The following KIAA0825 variants were observed in gnomAD, a reference collection of about 807,000 sequenced individuals.
KIAA0825 encodes the protein KIAA0825.
KIAA0825 carries 119 observed loss-of-function variants against 147.6 expected under a neutral mutation model. That is an observed-to-expected ratio of 0.81 (90% CI 0.69 to 0.94). The LOEUF is 0.94. KIAA0825 is among the 40% of genes least tolerant of loss of function. The pLI, the probability that KIAA0825 is intolerant of heterozygous loss-of-function variation, is 0.00. For synonymous variants in KIAA0825, 470 were observed against 518.1 expected, an observed-to-expected ratio of 0.91 and a Z score of 1.26; for missense variants, 1,381 against 1,472.7, an observed-to-expected ratio of 0.94 and a Z score of 1.02.
intron 20 of KIAA0825, among the ~76,000 whole-genome samples, chr5:94,363,114 A>T (rs1332853517): frequency 6.6e-6 from 1 of 152,148 alleles, no homozygotes; most frequent in Non-Finnish European, 1.5e-5. Context: ...ACAGGTAAAC[A>T]ACAAAGCCTT....
chr5:94,155,726 G>A (rs1175880165), intron 20 of KIAA0825, among the ~76,000 whole-genome samples: 2 of 152,100 alleles, frequency 1.3e-5, no homozygotes, highest in Non-Finnish European at 2.9e-5. Flanking sequence ...AACTTGTCTG[G>A]ATCTAAAAAC....
intron 20 of KIAA0825, among the ~76,000 whole-genome samples, chr5:94,317,905 A>G (rs1296222838): frequency 6.6e-6 from 1 of 151,876 alleles, no homozygotes; most frequent in Non-Finnish European, 1.5e-5. Flanking sequence ...ATTTAATCTT[A>G]CAATGCCTCA....
chr5:94,593,049 C>A, intron 1 of KIAA0825: 1 of 685,860 alleles, frequency 1.5e-6, no homozygotes, highest in East Asian at 2.6e-5. Context: ...ATGTCAGAGA[C>A]CATTCTCAAT....
intron 20 of KIAA0825, among the ~76,000 whole-genome samples, chr5:94,354,041 C>A (rs548797508): frequency 6.6e-6 from 1 of 152,166 alleles, no homozygotes; most frequent in South Asian, 2.1e-4. Flanking sequence ...AATGTTCATT[C>A]TTCCCATTCC....
chr5:94,190,315 TTTTGTTTGTTTG>T (rs376464492), intron 20 of KIAA0825, among the ~76,000 whole-genome samples: 1 of 151,864 alleles, frequency 6.6e-6, no homozygotes, highest in East Asian at 1.9e-4. Flanking sequence ...ATACGATGTT[TTTTGTTTGTTTG>T]TTTGTTTGTT....
chr5:94,177,834 A>G (rs1469838932), intron 20 of KIAA0825, among the ~76,000 whole-genome samples: 4 of 152,154 alleles, frequency 2.6e-5, no homozygotes, highest in African/African-American at 9.6e-5. Flanking sequence ...AGTTCCTACT[A>G]TGAGTCAGCC....
intron 1 of KIAA0825, among the ~76,000 whole-genome samples, chr5:94,587,447 C>T (rs1266745275): frequency 6.6e-6 from 1 of 152,042 alleles, no homozygotes; most frequent in African/African-American, 2.4e-5. Context: ...TTCACAATTA[C>T]TATTAAGAGA....
intron 20 of KIAA0825, among the ~76,000 whole-genome samples, chr5:94,289,822 T>C (rs1777810581): frequency 6.6e-6 from 1 of 151,772 alleles, no homozygotes; most frequent in Non-Finnish European, 1.5e-5. Flanking sequence ...GGAAGATCAC[T>C]TGAGCCCAGG....
chr5:94,271,250 G>GA (rs1562343200), intron 20 of KIAA0825, among the ~76,000 whole-genome samples: 1 of 151,938 alleles, frequency 6.6e-6, no homozygotes, highest in Admixed American at 6.6e-5. Context: ...GTCAACCAAA[G>GA]AAAAAATGGA....
chr5:94,392,239 T>G (rs1584355612), intron 17 of KIAA0825, among the ~76,000 whole-genome samples: 1 of 152,180 alleles, frequency 6.6e-6, no homozygotes, highest in African/African-American at 2.4e-5. Flanking sequence ...GTATTTTAAA[T>G]TGGCCTTTGA....
intron 20 of KIAA0825, among the ~76,000 whole-genome samples, chr5:94,281,793 C>T (rs1003102124): frequency 1.3e-5 from 2 of 152,046 alleles, no homozygotes; most frequent in South Asian, 2.1e-4. Flanking sequence ...TAAATAAATT[C>T]CCCTTTCCCC....
chr5:94,337,414 C>G (rs1314499456), intron 20 of KIAA0825, among the ~76,000 whole-genome samples: 2 of 152,102 alleles, frequency 1.3e-5, no homozygotes, highest in Non-Finnish European at 2.9e-5. Flanking sequence ...CTTACCCTAC[C>G]ACTCATAAAT....
At chr5:94,234,056 T>C (rs1425705947) in intron 20 of KIAA0825, among the ~76,000 whole-genome samples, 2 of 152,228 alleles carry the variant, frequency 1.3e-5, no homozygotes, top group Non-Finnish European at 2.9e-5. Flanking sequence ...CAAAACTTTT[T>C]CATTATTATC....
Position 94,537,014 on chromosome 5 carries a change from A to C in KIAA0825, c.113T>G (p.Ile38Ser), listed in dbSNP as rs766258085. The change falls in exon 3 of 21, where the codon ATT (isoleucine) becomes AGT (serine). Residue 38 changes from isoleucine to serine, a missense_variant. Coordinates refer to ENST00000682413, the MANE Select transcript of KIAA0825 (RefSeq NM_001145678.3). ...EQIFSDIDEKIEQNAASIKHC... is the reference protein window; with the variant it reads ...EQIFSDIDEKSEQNAASIKHC... Reference sequence around the variant, plus strand: ...TATTTACCTTGCAGCATTTTGTTCAATCTTTTCATCAATGTCACTGAAGAT... The same window carrying C: ...TATTTACCTTGCAGCATTTTGTTCACTCTTTTCATCAATGTCACTGAAGAT... 6.2e-7 allele frequency: 1 copy of C among 1,603,762 alleles called. No individual in the cohort carries two copies. The highest frequency in any genetic ancestry group is 1.1e-5 in the South Asian group (1 of 89,208).
chr5:94,190,681 A>G (rs1427769065), intron 20 of KIAA0825, among the ~76,000 whole-genome samples: 1 of 151,844 alleles, frequency 6.6e-6, no homozygotes, highest in Non-Finnish European at 1.5e-5. Context: ...TGTTTTGTCA[A>G]ACATTTTTCT....
rs116918701 is a variant in KIAA0825, at chr5:94,605,926, G to C, written c.-153+12574C>G. 1.7e-4 allele frequency among the ~76,000 whole-genome samples: 26 copies of C among 152,288 alleles called. No individual in the cohort carries two copies. The East Asian group carries it at 5.0e-3, about 29-fold the overall frequency. Reference sequence around the variant, plus strand: ...AGTCCTAGCCAGAGCAATCAGAGAAGAGAAAGAAATAAAGGGCTTCCAAAT... The same window carrying C: ...AGTCCTAGCCAGAGCAATCAGAGAACAGAAAGAAATAAAGGGCTTCCAAAT... On this transcript the variant is annotated intron_variant, in intron 1 of 20. Transcript: ENST00000682413.
At chr5:94,566,863 T>C (rs1475345012) in intron 2 of KIAA0825, among the ~76,000 whole-genome samples, 5 of 152,214 alleles carry the variant, frequency 3.3e-5, no homozygotes, top group Admixed American at 6.5e-5. Context: ...ATAAATATTT[T>C]AGCTCAAATA....
At chr5:94,248,053 A>G (rs1473550877) in intron 20 of KIAA0825, among the ~76,000 whole-genome samples, 1 of 152,192 alleles carries the variant, frequency 6.6e-6, no homozygotes, top group Non-Finnish European at 1.5e-5. Flanking sequence ...CAAAGTGTGA[A>G]AGATTCAAGG....
intron 20 of KIAA0825, among the ~76,000 whole-genome samples, chr5:94,243,904 C>A (rs544686783): frequency 6.6e-6 from 1 of 152,116 alleles, no homozygotes; most frequent in East Asian, 1.9e-4. Context: ...AATTATAAAT[C>A]GTCTTGCAGT....
Sources: gnomAD v4.1 joint callset for allele counts (sites outside exome capture counted in the v4.1 genomes callset) on GRCh38, gnomAD v4.1.1 for gene constraint, MANE v1.5 for transcripts, NCBI Gene and HGNC (gene_info 2026-07-23, HGNC 2026-07-21) for gene names.